Variants in SLC25A26 observed in about 807,000 individuals in gnomAD.
SLC25A26 encodes the protein solute carrier family 25 member 26.
A neutral mutation model predicts 37.8 loss-of-function variants in SLC25A26; 36 were observed. That is an observed-to-expected ratio of 0.95 (90% CI 0.73 to 1.26). The LOEUF (loss-of-function observed/expected upper bound fraction) is 1.26, where lower values mean the gene tolerates loss of function less well. Ranked by LOEUF, SLC25A26 falls within the 50% of genes most tolerant of loss-of-function variation. SLC25A26 has a pLI of 0.00. For missense variants in SLC25A26, 390 were observed against 331.1 expected (o/e 1.18, Z -1.38); for synonymous variants, 129 against 122.5 (o/e 1.05, Z -0.35).
chr3:66,349,579 A>G (rs371052857), intron 6 of SLC25A26, among the ~76,000 whole-genome samples: 55 of 151,964 alleles, frequency 3.6e-4, no homozygotes, highest in African/African-American at 1.3e-3. Context: ...ATGTGTATGG[A>G]TATGCTACAA....
rs561910533 is a variant in SLC25A26, at chr3:66,316,703, G to T, written c.454-29661G>T. Among the ~76,000 whole-genome samples the T allele has an allele frequency of 5.9e-5, 9 of 152,270 alleles. No homozygotes were observed. The East Asian group carries it at 1.7e-3, about 29-fold the overall frequency. Reference sequence around the variant, plus strand: ...AGGAAGTTCTCCTGGATGATACCCTGAAGTGTGTTTTCCAACTTGGTTCCA... The same window carrying T: ...AGGAAGTTCTCCTGGATGATACCCTTAAGTGTGTTTTCCAACTTGGTTCCA... On this transcript the variant is annotated intron_variant, in intron 5 of 9. Transcript: ENST00000354883.
intron 5 of SLC25A26, among the ~76,000 whole-genome samples, chr3:66,320,391 G>C (rs1163485480): frequency 6.6e-6 from 1 of 152,098 alleles, no homozygotes; most frequent in Non-Finnish European, 1.5e-5. Flanking sequence ...ATTTCACTTA[G>C]CTCAGTGTTT....
chr3:66,348,344 A>G (rs2076374723), intron 6 of SLC25A26, among the ~76,000 whole-genome samples: 1 of 152,208 alleles, frequency 6.6e-6, no homozygotes, highest in Admixed American at 6.5e-5. Flanking sequence ...CTTATTTTGT[A>G]AGACCTCAAT....
At chr3:66,239,123 C>T (rs1334588574) in intron 2 of SLC25A26, among the ~76,000 whole-genome samples, 1 of 152,180 alleles carries the variant, frequency 6.6e-6, no homozygotes, top group Non-Finnish European at 1.5e-5. Context: ...GGCATTCCTT[C>T]TTCTACATCT....
At chr3:66,262,324 G>C (rs1184822637) in intron 4 of SLC25A26, among the ~76,000 whole-genome samples, 169 bp downstream of exon 4, 5 of 152,056 alleles carry the variant, frequency 3.3e-5, no homozygotes, top group Non-Finnish European at 7.4e-5. Flanking sequence ...ATTGGTTTTT[G>C]AATATTTTCA....
At chr3:66,318,394 C>T (rs1166530073) in intron 5 of SLC25A26, among the ~76,000 whole-genome samples, 4 of 152,180 alleles carry the variant, frequency 2.6e-5, no homozygotes, top group African/African-American at 9.7e-5. Flanking sequence ...CAATCCCTCA[C>T]TGCCTGCCTT....
At chr3:66,309,523 T>G (rs149557396) in intron 5 of SLC25A26, among the ~76,000 whole-genome samples, 113 of 152,280 alleles carry the variant, frequency 7.4e-4, no homozygotes, top group Non-Finnish European at 1.4e-3. Context: ...GCTCTGATCT[T>G]AATTATTTCT....
At chr3:66,275,818 T>C (rs1409063528) in intron 5 of SLC25A26, among the ~76,000 whole-genome samples, 1 of 152,108 alleles carries the variant, frequency 6.6e-6, no homozygotes, top group Non-Finnish European at 1.5e-5. Context: ...CAAAACAGTT[T>C]TTGAAGTGAC....
At chr3:66,308,828 G>C (rs1190699837) in intron 5 of SLC25A26, among the ~76,000 whole-genome samples, 1 of 152,140 alleles carries the variant, frequency 6.6e-6, no homozygotes, top group Non-Finnish European at 1.5e-5. Flanking sequence ...TTTATGTGAT[G>C]GATTATGTTT....
intron 5 of SLC25A26, among the ~76,000 whole-genome samples, chr3:66,342,825 T>TG (rs2076239899): frequency 6.6e-6 from 1 of 152,196 alleles, no homozygotes; most frequent in Admixed American, 6.5e-5. Flanking sequence ...CCCCTCCATC[T>TG]GTGTCTTTGA....
Position 66,137,302 on chromosome 3 carries a change from C to G in SLC25A26, c.-354+3318C>G, listed in dbSNP as rs1352646102. ...ATGGCGCGATCTCAAACTCTGCTCA[C>G]TGCAACCTCTGCCTCCCAGGTTCAA... is the stretch of plus-strand genomic sequence containing the variant. On this transcript the variant is annotated intron_variant, in intron 1 of 10. Coordinates refer to the SLC25A26 transcript ENST00000676754. 4.7e-5 allele frequency among the ~76,000 whole-genome samples: 7 copies of G among 150,084 alleles called. No homozygotes were observed. In the Admixed American group the frequency reaches 4.7e-4, roughly 10 times the overall value.
chr3:66,262,213 C>G, intron 4 of SLC25A26, 58 bp downstream of exon 4: 6 of 872,588 alleles, frequency 6.9e-6, no homozygotes, highest in Non-Finnish European at 1.1e-5. Flanking sequence ...GTAGCTAATA[C>G]GAACACTGTG....
At chr3:66,252,710 T>C (rs1431921691) in intron 3 of SLC25A26, among the ~76,000 whole-genome samples, 4 of 152,210 alleles carry the variant, frequency 2.6e-5, no homozygotes, top group Non-Finnish European at 5.9e-5. Context: ...TTTTAGAATT[T>C]CCTAGTTTTG....
chr3:66,270,601 T>C (rs2107350208), intron 5 of SLC25A26, among the ~76,000 whole-genome samples: 1 of 152,336 alleles, frequency 6.6e-6, no homozygotes, highest in Admixed American at 6.5e-5. Flanking sequence ...TCTTTTATCA[T>C]AGAGGTTTAT....
chr3:66,208,319 A>G (rs1477255625), intron 1 of SLC25A26, among the ~76,000 whole-genome samples: 2 of 152,028 alleles, frequency 1.3e-5, no homozygotes, highest in Non-Finnish European at 2.9e-5. Flanking sequence ...CTGATTTATC[A>G]TTGCTCTAGT....
intron 6 of SLC25A26, 61 bp from the exon 7 acceptor site, chr3:66,362,799 A>T: frequency 8.2e-7 from 1 of 1,222,390 alleles, no homozygotes; most frequent in South Asian, 1.5e-5. Context: ...GCTAACCCAC[A>T]GGAGGTTCCG....
chr3:66,317,020 TCTTCA>T (rs1188993410), intron 5 of SLC25A26, among the ~76,000 whole-genome samples: 1 of 152,322 alleles, frequency 6.6e-6, no homozygotes, highest in East Asian at 1.9e-4. Flanking sequence ...TTATCATGGT[TCTTCA>T]CTTCTTTGCA....
At chr3:66,226,028 T>C (rs1424289222) in intron 1 of SLC25A26, among the ~76,000 whole-genome samples, 1 of 152,214 alleles carries the variant, frequency 6.6e-6, no homozygotes, top group East Asian at 1.9e-4. Context: ...CCCCTGCTTG[T>C]TACCCATTCT....
chr3:66,290,521 T>C (rs904593214), intron 5 of SLC25A26, among the ~76,000 whole-genome samples: 2 of 152,220 alleles, frequency 1.3e-5, no homozygotes, highest in Admixed American at 6.5e-5. Context: ...GTTTTTAGCA[T>C]GAAGAGATGT....
Sources: allele counts gnomAD v4.1 joint callset (sites outside exome capture counted in the v4.1 genomes callset), GRCh38; gene constraint gnomAD v4.1.1; transcripts MANE v1.5; gene names NCBI Gene and HGNC (gene_info 2026-07-23, HGNC 2026-07-21).